CACNA1F: variants seen among roughly 807,000 people sequenced by gnomAD.
The protein encoded by CACNA1F is calcium voltage-gated channel subunit alpha1 F, also known as voltage-dependent L-type calcium channel subunit alpha-1F.
A neutral mutation model predicts 143.8 loss-of-function variants in CACNA1F; 59 were observed. The ratio of observed to expected loss-of-function variants is 0.41; its 90% CI spans 0.33 to 0.51. The LOEUF (loss-of-function observed/expected upper bound fraction) is 0.51. CACNA1F is among the 20% of genes least tolerant of loss of function. The pLI is 0.22. For synonymous variants in CACNA1F, 643 were observed against 649.1 expected (o/e 0.99, Z 0.14); for missense variants, 1,411 against 1,647.5 (o/e 0.86, Z 2.48).
chrX:49,232,660 T>C lies in CACNA1F; in HGVS notation c.25+625A>G, dbSNP rs782026170. On this transcript the variant is annotated intron_variant, in intron 1 of 47. Transcript: ENST00000323022. ...CAGAATCAAAAGAATGCCTGGCACA[T>C]AGAGTTATTCCCATTTTGCAGATGA... Among the ~76,000 whole-genome samples the C allele has an allele frequency of 1.3e-4, 14 of 111,904 alleles. No homozygotes were observed. In the South Asian group the frequency reaches 5.2e-3, roughly 42 times the overall value.
intron 1 of CACNA1F, 124 bp from the exon 2 acceptor site, chrX:49,232,051 G>C: frequency 1.4e-6 from 1 of 690,524 alleles, no homozygotes; most frequent in South Asian, 2.8e-5. Flanking sequence ...GGAGAACTGG[G>C]AGTAGCTGGG....
chrX:49,220,599 A>T, intron 18 of CACNA1F, 75 bp from the exon 19 acceptor site: 1 of 830,600 alleles, frequency 1.2e-6, no homozygotes, highest in Non-Finnish European at 1.8e-6. Context: ...CATGGAAGAA[A>T]TGTAATAATA....
chrX:49,217,726 C>A (rs374290232), intron 26 of CACNA1F, 29 bp downstream of exon 26: 1 of 1,183,333 alleles, frequency 8.5e-7, no homozygotes, highest in African/African-American at 1.8e-5. Flanking sequence ...GTCCTGAGCT[C>A]CGTGGACGGC....
At chrX:49,209,571 A>G in intron 41 of CACNA1F, 58 bp downstream of exon 41, 4 of 1,196,493 alleles carry the variant, frequency 3.3e-6, no homozygotes, top group Non-Finnish European at 4.5e-6. Flanking sequence ...AATGGGGGTC[A>G]GCCTCAGCCA....
chrX:49,209,118 C>T, intron 42 of CACNA1F, 144 bp downstream of exon 42: 2 of 704,731 alleles, frequency 2.8e-6, no homozygotes, highest in South Asian at 2.4e-5. Context: ...TGAGCCACCA[C>T]TCCCAGCCTC....
At position 49,215,345 on chromosome X, in the gene CACNA1F, G is replaced by A. The variant is rs782343922; in HGVS notation, c.3435C>T (p.Asn1145=). 1 of 1,210,110 alleles carries A rather than the reference G, an allele frequency of 8.3e-7. No individual in the cohort carries two copies. Among genetic ancestry groups the A allele is most frequent in the Non-Finnish European group, 1.1e-6 (1 of 894,391 alleles). ...QEYQNCELDK[N]QRQCVEYALK... ...GGGGTCAGGGGTCAGAGGTCACCTG[G>A]TTCTTGTCCAGCTCACAGTTTTGGT... Residue 1145 remains asparagine (N), a synonymous_variant, in exon 28 of 48, where the codon AAC becomes AAT. Transcript: ENST00000323022.
At chrX:49,209,442 T>C in intron 41 of CACNA1F, 49 bp from the exon 42 acceptor site, 1 of 1,176,958 alleles carries the variant, frequency 8.5e-7, no homozygotes, top group Non-Finnish European at 1.2e-6. Context: ...GTCTGAACTT[T>C]CCCTCTGTTT....
intron 27 of CACNA1F, 121 bp from the exon 28 acceptor site, chrX:49,215,664 G>C: frequency 8.3e-6 from 4 of 483,700 alleles, no homozygotes; most frequent in Non-Finnish European, 1.4e-5. Flanking sequence ...GCACCCCAAA[G>C]ACCCCTAAAT....
intron 14 of CACNA1F, 49 bp downstream of exon 14, chrX:49,224,712 G>T: frequency 1.2e-6 from 1 of 811,930 alleles, no homozygotes; most frequent in South Asian, 2.2e-5. Context: ...GGGTGGGGGT[G>T]TTGAGGCTGT....
chrX:49,212,447 G>T, intron 33 of CACNA1F, 139 bp from the exon 34 acceptor site: 1 of 608,259 alleles, frequency 1.6e-6, no homozygotes, highest in Non-Finnish European at 2.7e-6. Context: ...GGACTGTGGT[G>T]TCTCTCAAAT....
chrX:49,205,932 A>G, intron 46 of CACNA1F, 119 bp from the exon 47 acceptor site: 3 of 629,849 alleles, frequency 4.8e-6, no homozygotes, highest in Non-Finnish European at 5.0e-6. Flanking sequence ...TTGAATGGGT[A>G]TAAGTCAGGC....
At position 49,206,743 on chromosome X, in the gene CACNA1F, G is replaced by A; in HGVS notation, c.5344C>T (p.Pro1782Ser). The A allele has an allele frequency of 8.3e-7, 1 of 1,205,453 alleles. No individual in the cohort carries two copies. Among genetic ancestry groups the A allele is most frequent in the South Asian group, 1.8e-5 (1 of 55,525 alleles). The change falls in exon 45 of 48, where the codon CCC (proline) becomes TCC (serine). Residue 1782 changes from proline to serine, a missense_variant. Physicochemically the swap from Pro to Ser is moderately conservative, Grantham distance 74. Around this residue, in one of 3 missense-constraint regions of CACNA1F, gnomAD observed 349 missense variants for 350.2 expected, o/e 1.00. Coordinates refer to ENST00000323022, the MANE Select transcript of CACNA1F (RefSeq NM_001256789.3). ...CTGCTCTCACCTGCAGGTGTGGGGG[G>A]CAGCAGACGGCGGCGTGGTACCAGG... is the stretch of plus-strand genomic sequence containing the variant. ...GHLVPRRRLL[P>S]PTPAGRKPSF...
In CACNA1F at chrX:49,218,515, A is replaced by T; in HGVS notation, c.2868T>A (p.Ile956=). The T allele has an allele frequency of 8.5e-7, 1 of 1,177,233 alleles. No homozygotes were observed. The change falls in exon 24 of 48, where the codon ATT becomes ATA. Residue 956 remains isoleucine, a synonymous_variant. Transcript: ENST00000323022. ...GCCGCAGTACTCGGAGTACTCGCAG[A>T]ATCTTCACCACCGAGATGGCGCTGG... is the stretch of plus-strand genomic sequence containing the variant. The part of the protein sequence containing the change: ...IHSSAISVVK[I]LRVLRVLRPL...
intron 24 of CACNA1F, 45 bp downstream of exon 24, chrX:49,218,410 C>T: frequency 9.6e-7 from 1 of 1,039,649 alleles, no homozygotes; most frequent in Non-Finnish European, 1.3e-6. Flanking sequence ...GCCCCAGGGG[C>T]AGGGCAGGGC....
rs185037790 is a variant in CACNA1F at position 49,219,771 on chromosome X, C to T, written c.2406G>A (p.Glu802=). The T allele has an allele frequency of 9.2e-6, 10 of 1,090,161 alleles. No individual in the cohort carries two copies. In the South Asian group the frequency reaches 9.8e-5, roughly 11 times the overall value. 89.8% of individuals were successfully genotyped at this position (1,090,161 alleles called of 1,213,427 possible). A position where few individuals can be genotyped will look rare whatever the true frequency, so the allele number is the denominator to read the frequency against. The change falls in exon 20 of 48, where the codon GAG becomes GAA. Residue 802 remains glutamate (E), a synonymous_variant. Coordinates refer to ENST00000323022, the MANE Select transcript of CACNA1F (RefSeq NM_001256789.3). The part of the protein sequence containing the change: ...REGADMEEEE[E]EEEEEEEEEE... The stretch of plus-strand genomic sequence containing the variant: ...CTTCCTCTTCTTCCTCTTCTTCCTC[C>T]TCCTCCTCCTCCTCCATGTCTGGCA...
rs782763912 is a variant in CACNA1F, at chrX:49,219,432, G to A, written c.2562C>T (p.His854=). ...TGAAGACATGATGGTGGATGAGGGT[G>A]TGGCAGCCCTTCCTCAGCCTGTGGA... is the stretch of plus-strand genomic sequence containing the variant. ...SQTNPLRKGC[H]TLIHHHVFTN... The change falls in exon 21 of 48, where the codon CAC becomes CAT. Residue 854 remains histidine (H), a synonymous_variant. Transcript: ENST00000323022. 2 of 1,206,764 alleles carry A rather than the reference G, an allele frequency of 1.7e-6. No individual in the cohort carries two copies. The highest frequency in any genetic ancestry group is 2.2e-5 in the Admixed American group (1 of 45,543).
In CACNA1F at chrX:49,212,813, G is replaced by A. The variant is rs782632422; in HGVS notation, c.3814-18C>T. On this transcript the variant is annotated intron_variant, in intron 32 of 47. Coordinates refer to ENST00000323022, the MANE Select transcript of CACNA1F (RefSeq NM_001256789.3). ...TCAGAGCTCTGGGGTGAGGGGTGCA[G>A]TAGGGATGCTCAGTTTGCATTTACT... The A allele has an allele frequency of 3.3e-6, 4 of 1,208,661 alleles. No individual in the cohort carries two copies. The highest frequency in any genetic ancestry group is 1.1e-6 in the Non-Finnish European group (1 of 893,603).
chrX:49,214,107 C>T (rs1339660422), intron 30 of CACNA1F, 52 bp downstream of exon 30: 3 of 846,509 alleles, frequency 3.5e-6, no homozygotes, highest in African/African-American at 2.0e-5. Flanking sequence ...CAATGAGCTC[C>T]ACTCCCAAGG....
In CACNA1F at chrX:49,231,752, C is replaced by T. The variant is rs2065880779; in HGVS notation, c.201G>A (p.Arg67=). 3 of 1,210,766 alleles carry T rather than the reference C, an allele frequency of 2.5e-6. No homozygotes were observed. The highest frequency in any genetic ancestry group is 3.4e-6 in the Non-Finnish European group (3 of 894,681). Residue 67 remains arginine (R), a synonymous_variant, in exon 2 of 48, where the codon CGG becomes CGA. Transcript: ENST00000323022. ...TGAGGCAGAAGAGTGCCCGAGGTGACCGCTGGGCACTGGCCACTGCCACTG... is the reference window on the plus strand; with the variant it reads ...TGAGGCAGAAGAGTGCCCGAGGTGATCGCTGGGCACTGGCCACTGCCACTG... ...HKTVAVASAQ[R]SPRALFCLTL...
Sources: allele counts gnomAD v4.1 joint callset (sites outside exome capture counted in the v4.1 genomes callset), GRCh38; gene constraint gnomAD v4.1.1; regional missense constraint gnomAD v4.1.1; transcripts MANE v1.5; gene names NCBI Gene and HGNC (gene_info 2026-07-23, HGNC 2026-07-21).